The following MAML3 variants were observed in gnomAD, a reference collection of about 807,000 sequenced individuals.
MAML3 encodes the protein mastermind-like protein 3.
A neutral mutation model predicts 101.9 loss-of-function variants in MAML3; 27 were observed. That is an observed-to-expected ratio of 0.27 (90% confidence interval 0.20 to 0.37). MAML3 has a LOEUF of 0.37. Ranked by LOEUF, MAML3 falls within the 10% of genes least tolerant of loss-of-function variation. MAML3 has a pLI of 1.00. For missense variants in MAML3, 1,316 were observed against 1,444.9 expected (o/e 0.91, Z 1.45); for synonymous variants, 501 against 555.9 (o/e 0.90, Z 1.39).
chr4:140,072,561 T>G (rs2110955648), intron 1 of MAML3, among the ~76,000 whole-genome samples: 1 of 152,014 alleles, frequency 6.6e-6, no homozygotes, highest in East Asian at 1.9e-4. Flanking sequence ...TCCCAGCTAC[T>G]TGGGAGGCTG....
At chr4:139,912,029 T>TGAA (rs1467207796) in intron 1 of MAML3, among the ~76,000 whole-genome samples, 3 of 152,230 alleles carry the variant, frequency 2.0e-5, no homozygotes, top group African/African-American at 7.2e-5. Flanking sequence ...TACAAATATC[T>TGAA]CTTGTAGACC....
chr4:139,921,990 C>T (rs1025582895), intron 1 of MAML3, among the ~76,000 whole-genome samples: 1 of 152,118 alleles, frequency 6.6e-6, no homozygotes, highest in Non-Finnish European at 1.5e-5. Context: ...AAAATTTGAT[C>T]GAACAACTAA....
chr4:139,863,094 G>A (rs1348301289), intron 2 of MAML3, among the ~76,000 whole-genome samples: 3 of 148,330 alleles, frequency 2.0e-5, no homozygotes, highest in African/African-American at 5.0e-5. Context: ...AGGATGCAGC[G>A]AGCCAAGGTT....
Position 140,145,548 on chromosome 4 carries a change from ATTTTTTTGT to A in MAML3, c.468+7303_468+7311del, listed in dbSNP as rs1184960946. Among the ~76,000 whole-genome samples, 11 of 151,034 alleles carry A rather than the reference ATTTTTTTGT, an allele frequency of 7.3e-5. No homozygotes were observed. In the South Asian group the frequency reaches 1.3e-3, roughly 17 times the overall value. On this transcript the variant is annotated intron_variant, in intron 1 of 4. Coordinates refer to ENST00000509479, the MANE Select transcript of MAML3 (RefSeq NM_018717.5). ...GAGGAAGTACTGCAAGCCTTTTGAG[ATTTTTTTGT>A]TTTGTTTTGTTTTGTTTTGTTTTGT...
At chr4:140,057,012 C>T (rs1727360498) in intron 1 of MAML3, among the ~76,000 whole-genome samples, 1 of 152,258 alleles carries the variant, frequency 6.6e-6, no homozygotes, top group African/African-American at 2.4e-5. Context: ...ATTAGAAAAG[C>T]TTAGTAACTT....
intron 2 of MAML3, among the ~76,000 whole-genome samples, chr4:139,790,493 A>G (rs1322395161): frequency 6.6e-6 from 1 of 151,836 alleles, no homozygotes; most frequent in Non-Finnish European, 1.5e-5. Flanking sequence ...TATCCATTTC[A>G]GGGAATTTTT....
chr4:140,070,978 GCACTGC>G (rs1727641785), intron 1 of MAML3, among the ~76,000 whole-genome samples: 1 of 152,208 alleles, frequency 6.6e-6, no homozygotes, highest in Admixed American at 6.5e-5. Flanking sequence ...GTCTTCGTGG[GCACTGC>G]CAAACTTCCC....
intron 1 of MAML3, among the ~76,000 whole-genome samples, chr4:139,975,126 G>T (rs1446415279): frequency 6.6e-6 from 1 of 152,078 alleles, no homozygotes; most frequent in East Asian, 1.9e-4. Flanking sequence ...ATCTCTCTCA[G>T]ATAAAAGCCA....
intron 1 of MAML3, among the ~76,000 whole-genome samples, chr4:140,022,085 T>C (rs1726742002): frequency 6.6e-6 from 1 of 152,148 alleles, no homozygotes; most frequent in Non-Finnish European, 1.5e-5. Flanking sequence ...GCCACAGCCC[T>C]GGAGGGACCC....
chr4:139,816,531 G>A (rs568242782), intron 2 of MAML3, among the ~76,000 whole-genome samples: 1 of 152,242 alleles, frequency 6.6e-6, no homozygotes, highest in South Asian at 2.1e-4. Flanking sequence ...GCAGCGGTGG[G>A]GGAGGGAGAG....
At chr4:140,152,141 C>T (rs1270226960) in intron 1 of MAML3, among the ~76,000 whole-genome samples, 1 of 152,154 alleles carries the variant, frequency 6.6e-6, no homozygotes, top group Non-Finnish European at 1.5e-5. Context: ...ACCTGCCGGG[C>T]TAGCCCCGAG....
chr4:140,019,505 T>C (rs891632126), intron 1 of MAML3, among the ~76,000 whole-genome samples: 4 of 152,234 alleles, frequency 2.6e-5, no homozygotes, highest in African/African-American at 9.6e-5. Flanking sequence ...AAATAGACTC[T>C]TAAGCCTCTG....
In MAML3 at chr4:139,718,501, G is replaced by A. The variant is rs1041929000; in HGVS notation, c.*822C>T. 1 of 152,322 alleles carries A rather than the reference G, an allele frequency of 6.6e-6. No individual in the cohort carries two copies. Among genetic ancestry groups the A allele is most frequent in the Non-Finnish European group, 1.5e-5 (1 of 68,150 alleles). The allele number at this position is 152,322 out of a possible 1,614,324, so 9.4% of individuals were successfully genotyped here. ...TTTCCCTGCCCTGCGGCCGCCAGAA[G>A]TAGATGTGACCCACCTGGATGTATG... On this transcript the variant is annotated 3_prime_UTR_variant, in exon 5 of 5. Coordinates refer to ENST00000509479, the MANE Select transcript of MAML3 (RefSeq NM_018717.5).
At chr4:139,992,033 A>C (rs1185310398) in intron 1 of MAML3, among the ~76,000 whole-genome samples, 2 of 152,174 alleles carry the variant, frequency 1.3e-5, no homozygotes, top group Non-Finnish European at 2.9e-5. Flanking sequence ...ACCAATACAA[A>C]GCAGCCCCAG....
At chr4:139,772,769 G>A (rs1457124422) in intron 2 of MAML3, among the ~76,000 whole-genome samples, 3 of 151,844 alleles carry the variant, frequency 2.0e-5, no homozygotes, top group Non-Finnish European at 2.9e-5. Context: ...GCAGAGGCTG[G>A]AAAGCCACTT....
At chr4:140,043,779 G>A (rs1300302637) in intron 1 of MAML3, among the ~76,000 whole-genome samples, 1 of 152,166 alleles carries the variant, frequency 6.6e-6, no homozygotes, top group Non-Finnish European at 1.5e-5. Flanking sequence ...TATTGTGACA[G>A]AAAAGTACGT....
chr4:139,858,245 A>G (rs1228415244), intron 2 of MAML3, among the ~76,000 whole-genome samples: 3 of 152,212 alleles, frequency 2.0e-5, no homozygotes, highest in African/African-American at 7.2e-5. Flanking sequence ...CTGATTCATT[A>G]TGCACCTACT....
intron 1 of MAML3, among the ~76,000 whole-genome samples, chr4:140,076,225 C>T (rs1272820146): frequency 6.6e-6 from 1 of 151,820 alleles, no homozygotes; most frequent in African/African-American, 2.4e-5. Context: ...AGGAATATTC[C>T]CTCTCTATCC....
chr4:139,938,675 T>A (rs1733549003), intron 1 of MAML3, among the ~76,000 whole-genome samples: 1 of 152,178 alleles, frequency 6.6e-6, no homozygotes, highest in Non-Finnish European at 1.5e-5. Context: ...AAGGGTTACA[T>A]AATGGATCAA....
Sources: allele counts gnomAD v4.1 joint callset (sites outside exome capture counted in the v4.1 genomes callset), GRCh38; gene constraint gnomAD v4.1.1; transcripts MANE v1.5; gene names NCBI Gene and HGNC (gene_info 2026-07-23, HGNC 2026-07-21).